Variants in PSCA observed in about 807,000 individuals in gnomAD.
The protein encoded by PSCA is prostate stem cell antigen.
Under a neutral mutation model 7.9 loss-of-function variants are expected in PSCA, and 7 were observed. That is an observed-to-expected ratio of 0.89 (90% confidence interval 0.51 to 1.67). The LOEUF is 1.67. PSCA is among the 40% of genes most tolerant of loss of function. The pLI, the probability that PSCA is intolerant of heterozygous loss-of-function variation, is 0.00. For synonymous variants in PSCA, 61 were observed against 68.3 expected (o/e 0.89, Z 0.53); for missense variants, 151 against 147.9 (o/e 1.02, Z -0.11).
chr8:142,677,747 C>T (rs1165219896), upstream of PSCA, among the ~76,000 whole-genome samples: 1 of 152,070 alleles, frequency 6.6e-6, no homozygotes. Flanking sequence ...TCTGGGTGGG[C>T]AGAGTGGGCA....
chr8:142,677,235 C>T (rs587759017), upstream of PSCA, among the ~76,000 whole-genome samples: 2 of 152,294 alleles, frequency 1.3e-5, no homozygotes, highest in South Asian at 2.1e-4. Flanking sequence ...CATGGTCTTC[C>T]GTATAGGAGC....
chr8:142,681,208 CAA>C, intron 1 of PSCA, 117 bp from the exon 2 acceptor site: 1 of 682,666 alleles, frequency 1.5e-6, no homozygotes, highest in South Asian at 1.8e-5. Context: ...TTGAGGGTGA[CAA>C]GAGGGCGCCG....
chr8:142,682,143 GC>G lies in PSCA; in HGVS notation c.*15del, dbSNP rs782289346. On this transcript the variant is annotated 3_prime_UTR_variant, in exon 3 of 3. Coordinates refer to ENST00000301258, the MANE Select transcript of PSCA (RefSeq NM_005672.5). ...CCCGGCCAGCTCTAGGCTCTGGGGG[GC>G]CCCGCTGCAGCCCACACTGGGTGTG... 1 of 1,592,464 alleles carries G rather than the reference GC, an allele frequency of 6.3e-7. No individual in the cohort carries two copies. Among genetic ancestry groups the G allele is most frequent in the South Asian group, 1.1e-5 (1 of 89,624 alleles).
chr8:142,672,527 G>A (rs1196254367), intron 1 of PSCA, among the ~76,000 whole-genome samples: 1 of 152,172 alleles, frequency 6.6e-6, no homozygotes, highest in Non-Finnish European at 1.5e-5. Context: ...CCTGGACTGG[G>A]GCTCCCATGG....
chr8:142,675,423 G>T (rs921139036), intron 1 of PSCA, among the ~76,000 whole-genome samples: 2 of 152,222 alleles, frequency 1.3e-5, no homozygotes, highest in Non-Finnish European at 2.9e-5. Context: ...GGCCCTGGGG[G>T]AGTTAGAGAT....
At chr8:142,677,844 A>G (rs782446582), upstream of PSCA, among the ~76,000 whole-genome samples, 13 of 152,290 alleles carry the variant, frequency 8.5e-5, no homozygotes, top group South Asian at 2.5e-3. Flanking sequence ...CTCACTTGCC[A>G]GAGAAGAGAC....
At chr8:142,680,587 C>T (rs1199190607) in intron 1 of PSCA, 24 bp downstream of exon 1, 12 of 1,553,458 alleles carry the variant, frequency 7.7e-6, no homozygotes, top group African/African-American at 1.4e-5. Context: ...TGGCCCCCAG[C>T]AGGGAAGGGA....
At chr8:142,681,501 T>A (rs1814634701) in intron 2 of PSCA, 67 bp downstream of exon 2, 2 of 1,364,520 alleles carry the variant, frequency 1.5e-6, no homozygotes, top group East Asian at 5.0e-5. Context: ...TTTCTGGCCA[T>A]CTGTCCGCAT....
At chr8:142,678,875 T>C (rs1285504871), upstream of PSCA, among the ~76,000 whole-genome samples, 1 of 149,820 alleles carries the variant, frequency 6.7e-6, no homozygotes, top group African/African-American at 2.5e-5. Flanking sequence ...TAGAGGACCA[T>C]AGCTACTGCC....
Position 142,681,448 on chromosome 8 carries a change from C to T in PSCA, c.133+14C>T, listed in dbSNP as rs1005648517. 1.1e-5 allele frequency: 18 copies of T among 1,572,384 alleles called. No homozygotes were observed. Among genetic ancestry groups the T allele is most frequent in the Middle Eastern group, 1.7e-4 (1 of 6,036 alleles). On this transcript the variant is annotated intron_variant, in intron 2 of 2. Coordinates refer to ENST00000301258, the MANE Select transcript of PSCA (RefSeq NM_005672.5). Reference sequence around the variant, plus strand: ...CCGCGCGCATCCGTGAGTGGGGGGACGACAGCCGCCAGGCCTAGGTCTCTG... The same window carrying T: ...CCGCGCGCATCCGTGAGTGGGGGGATGACAGCCGCCAGGCCTAGGTCTCTG...
At position 142,682,099 on chromosome 8, in the gene PSCA, C is replaced by A. The variant is rs1448741049; in HGVS notation, c.312C>A (p.Leu104=). Residue 104 remains leucine (L), a synonymous_variant, in exon 3 of 3, where the codon CTC becomes CTA. Transcript: ENST00000301258. ...AAAILALLPA[L]GLLLWGPGQL ...CCATCCTTGCGCTGCTCCCTGCACT[C>A]GGCCTGCTGCTCTGGGGACCCGGCC... The A allele has an allele frequency of 6.2e-7, 1 of 1,603,986 alleles. No individual in the cohort carries two copies. The highest frequency in any genetic ancestry group is 2.2e-5 in the East Asian group (1 of 44,864).
At position 142,682,687 on chromosome 8, in the gene PSCA, A is replaced by C; in HGVS notation, c.*555A>C. ...GGGCTCCCTGAATGGCAGCCTCAGC[A>C]CAGCGTAGGCCCTTAATAAACACCT... is the stretch of plus-strand genomic sequence containing the variant. On this transcript the variant is annotated 3_prime_UTR_variant, in exon 3 of 3. Coordinates refer to ENST00000301258, the MANE Select transcript of PSCA (RefSeq NM_005672.5). 1 of 343,650 alleles carries C rather than the reference A, an allele frequency of 2.9e-6. No homozygotes were observed. The highest frequency in any genetic ancestry group is 2.3e-5 in the South Asian group (1 of 44,214). The allele number at this position is 343,650 out of a possible 1,614,324, so 21.3% of individuals were successfully genotyped here. A position where few individuals can be genotyped will look rare whatever the true frequency, so the allele number is the denominator to read the frequency against.
At chr8:142,677,445 C>T (rs1554637914), upstream of PSCA, among the ~76,000 whole-genome samples, 2 of 152,242 alleles carry the variant, frequency 1.3e-5, no homozygotes, top group African/African-American at 2.4e-5. Context: ...GAGTCACCCA[C>T]GTGAGAACCA....
upstream of PSCA, among the ~76,000 whole-genome samples, chr8:142,677,459 C>T (rs1554637915): frequency 6.6e-6 from 1 of 152,236 alleles, no homozygotes; most frequent in African/African-American, 2.4e-5. Context: ...AGAACCACTG[C>T]CTTACAGCAA....
At chr8:142,677,031 A>G (rs1034450567), upstream of PSCA, among the ~76,000 whole-genome samples, 2 of 152,238 alleles carry the variant, frequency 1.3e-5, no homozygotes, top group Admixed American at 6.5e-5. Context: ...GAGGGTGACC[A>G]CAGTCAGGGT....
Position 142,681,389 on chromosome 8 carries a change from G to A in PSCA, c.88G>A (p.Glu30Lys), listed in dbSNP as rs3736001. ...GAGCAACGAGGACTGCCTGCAGGTG[G>A]AGAACTGCACCCAGCTGGGGGAGCA... ...QVSNEDCLQV[E>K]NCTQLGEQCW... The change falls in exon 2 of 3, where the codon GAG becomes AAG. Residue 30 changes from glutamate to lysine, a missense_variant. Glu to Lys is a moderately conservative substitution (Grantham distance 56). Coordinates refer to ENST00000301258, the MANE Select transcript of PSCA (RefSeq NM_005672.5). The A allele has an allele frequency of 0.02, 31,566 of 1,593,088 alleles. 712 individuals carry two copies. The highest frequency in any genetic ancestry group is 0.11 in the East Asian group (4,739 of 43,794).
chr8:142,670,916 C>T (rs1161872216), intron 1 of PSCA, among the ~76,000 whole-genome samples: 2 of 152,180 alleles, frequency 1.3e-5, no homozygotes, highest in Admixed American at 1.3e-4. Context: ...ATGCTCAAAT[C>T]CCTTACATAA....
chr8:142,679,435 A>G (rs1847436515), upstream of PSCA, among the ~76,000 whole-genome samples: 1 of 152,194 alleles, frequency 6.6e-6, no homozygotes, highest in South Asian at 2.1e-4. Context: ...CAAACTCTGT[A>G]AAATATTTGA....
chr8:142,680,611 G>A lies in PSCA; in HGVS notation c.25+48G>A, dbSNP rs782720353. 1.5e-5 allele frequency: 24 copies of A among 1,550,264 alleles called. No homozygotes were observed. In the South Asian group the frequency reaches 1.8e-4, roughly 12 times the overall value. On this transcript the variant is annotated intron_variant, in intron 1 of 2. Transcript: ENST00000301258. ...GCAGGGAAGGGAGCAGGGGTGAGCC[G>A]GGGAGGCCAGAGGGATACCTGCAGG...
Sources: gnomAD v4.1 joint callset for allele counts (sites outside exome capture counted in the v4.1 genomes callset) on GRCh38, gnomAD v4.1.1 for gene constraint, MANE v1.5 for transcripts, NCBI Gene and HGNC (gene_info 2026-07-23, HGNC 2026-07-21) for gene names.